ATAD5: variants seen among roughly 807,000 people sequenced by gnomAD.
The protein encoded by ATAD5 is ATPase family AAA domain containing 5, also known as ATPase family AAA domain-containing protein 5.
A neutral mutation model predicts 176.9 loss-of-function variants in ATAD5; 58 were observed. That is an observed-to-expected ratio of 0.33 (90% CI 0.27 to 0.41). The LOEUF (loss-of-function observed/expected upper bound fraction) is 0.41, where lower values mean the gene tolerates loss of function less well. Among genes scored for constraint, ATAD5 ranks in the 10% least tolerant of loss-of-function variants. The pLI, the probability that ATAD5 is intolerant of heterozygous loss-of-function variation, is 1.00. For missense variants in ATAD5, 1,789 were observed against 2,094.1 expected, an observed-to-expected ratio of 0.85 and a Z score of 2.84; for synonymous variants, 640 against 712.6, an observed-to-expected ratio of 0.90 and a Z score of 1.62.
chr17:30,879,323 G>A (rs780044273), intron 17 of ATAD5, 100 bp from the exon 18 acceptor site: 450 of 1,337,494 alleles, frequency 3.4e-4, no homozygotes, highest in Non-Finnish European at 4.1e-4. Context: ...GTGGGGAGGC[G>A]GGTGCTGAAT....
chr17:30,871,071 C>T (rs1236675869), intron 14 of ATAD5, among the ~76,000 whole-genome samples: 2 of 151,390 alleles, frequency 1.3e-5, no homozygotes, highest in Non-Finnish European at 2.9e-5. Flanking sequence ...TCCTGGCACA[C>T]TGATGCTTTG....
intron 19 of ATAD5, 152 bp from the exon 20 acceptor site, chr17:30,892,455 T>C (rs1450554731): frequency 1.9e-5 from 8 of 421,018 alleles, no homozygotes; most frequent in African/African-American, 1.6e-4. Context: ...GAATAATGCT[T>C]ATATTGTACT....
At chr17:30,844,418 A>G (rs1277403982) in intron 5 of ATAD5, among the ~76,000 whole-genome samples, 1 of 152,172 alleles carries the variant, frequency 6.6e-6, no homozygotes, top group Non-Finnish European at 1.5e-5. Flanking sequence ...GGCATGAGCC[A>G]CTGCACCCGG....
At chr17:30,836,545 A>C (rs565971900) in intron 2 of ATAD5, among the ~76,000 whole-genome samples, 3 of 151,278 alleles carry the variant, frequency 2.0e-5, no homozygotes, top group African/African-American at 7.3e-5. Flanking sequence ...TTTTTTTTTT[A>C]ATTTTAATTT....
chr17:30,869,931 G>A (rs1041033689), intron 14 of ATAD5: 8 of 284,710 alleles, frequency 2.8e-5, no homozygotes, highest in Admixed American at 5.3e-5. Context: ...GCAGCATAGC[G>A]AGACCTTGTC....
At chr17:30,889,886 C>CTTTTTTTTTTTTTTTTTT (rs60266614) in intron 19 of ATAD5, among the ~76,000 whole-genome samples, 3 of 95,690 alleles carry the variant, frequency 3.1e-5, no homozygotes, top group African/African-American at 4.3e-5. Flanking sequence ...TCTTTTCTTT[C>CTTTTTTTTTTTTTTTTTT]TTTTTTTTTT....
chr17:30,837,421 T>G, intron 3 of ATAD5, 107 bp downstream of exon 3: 1 of 735,730 alleles, frequency 1.4e-6, no homozygotes, highest in Non-Finnish European at 2.2e-6. Flanking sequence ...ATAAAATTCA[T>G]GTATTTCATA....
intron 7 of ATAD5, among the ~76,000 whole-genome samples, chr17:30,855,642 G>T (rs546818694): frequency 6.6e-6 from 1 of 152,130 alleles, no homozygotes; most frequent in East Asian, 1.9e-4. Flanking sequence ...TTCGAGACCA[G>T]CCTGGGCAAC....
chr17:30,861,646 G>T (rs2142375932), intron 10 of ATAD5, among the ~76,000 whole-genome samples: 1 of 152,044 alleles, frequency 6.6e-6, no homozygotes, highest in African/African-American at 2.4e-5. Context: ...TCAGTAGCTG[G>T]GACTACAGGC....
At chr17:30,833,022 G>A (rs547317394) in intron 1 of ATAD5, among the ~76,000 whole-genome samples, 3 of 152,264 alleles carry the variant, frequency 2.0e-5, no homozygotes, top group African/African-American at 7.2e-5. Flanking sequence ...AGCATCTTAA[G>A]GTAGACTTGT....
intron 12 of ATAD5, 100 bp from the exon 13 acceptor site, chr17:30,869,148 T>A: frequency 7.3e-7 from 1 of 1,375,612 alleles, no homozygotes; most frequent in Non-Finnish European, 1.0e-6. Context: ...TTTTTCAGCA[T>A]CTATTGCAAG....
chr17:30,867,627 T>C (rs1908079572), intron 11 of ATAD5, among the ~76,000 whole-genome samples: 1 of 152,164 alleles, frequency 6.6e-6, no homozygotes, highest in Non-Finnish European at 1.5e-5. Context: ...TTTTTTTTAT[T>C]TTGAAACAGG....
chr17:30,886,105 T>C (rs1031754981), intron 18 of ATAD5, among the ~76,000 whole-genome samples: 8 of 151,810 alleles, frequency 5.3e-5, no homozygotes, highest in Non-Finnish European at 1.5e-5. Context: ...ATGGATTAGA[T>C]TTGTGATTAA....
intron 6 of ATAD5, among the ~76,000 whole-genome samples, chr17:30,850,361 CTT>C (rs757662884): frequency 4.9e-4 from 67 of 136,176 alleles, no homozygotes; most frequent in Admixed American, 7.5e-4. Context: ...TATGAGACTT[CTT>C]TTTTTTTTTT....
At chr17:30,889,078 TAAAA>T (rs973596436) in intron 19 of ATAD5, among the ~76,000 whole-genome samples, 3 of 145,760 alleles carry the variant, frequency 2.1e-5, no homozygotes, top group African/African-American at 7.5e-5. Context: ...AAAAAAAAAT[TAAAA>T]AACACACACA....
At chr17:30,878,735 T>TTTTTTTTTG in intron 17 of ATAD5, among the ~76,000 whole-genome samples, 1 of 129,472 alleles carries the variant, frequency 7.7e-6, no homozygotes, top group African/African-American at 3.0e-5. Flanking sequence ...TTTTTTTTTT[T>TTTTTTTTTG]TTTTTTTTTT....
At chr17:30,884,892 C>T (rs983105830) in intron 18 of ATAD5, among the ~76,000 whole-genome samples, 3 of 151,834 alleles carry the variant, frequency 2.0e-5, no homozygotes, top group Admixed American at 6.6e-5. Flanking sequence ...GGACTACAGG[C>T]GCCCACCACC....
Position 30,840,864 on chromosome 17 carries a change from T to C in ATAD5, c.2241+83T>C, listed in dbSNP as rs1906064439. The C allele has an allele frequency of 1.2e-5, 16 of 1,370,702 alleles. No homozygotes were observed. The South Asian group carries it at 1.9e-4, about 17-fold the overall frequency. The allele number at this position is 1,370,702 out of a possible 1,614,324, so 84.9% of individuals were successfully genotyped here. A position where few individuals can be genotyped will look rare whatever the true frequency, so the allele number is the denominator to read the frequency against. ...GGAGAAGGAAACCATTATAAAGTTA[T>C]AAGGTAGGTTTGTGTGATAGCTTGA... On this transcript the variant is annotated intron_variant, in intron 4 of 22. Transcript: ENST00000321990.
At chr17:30,890,195 T>C (rs1268347082) in intron 19 of ATAD5, among the ~76,000 whole-genome samples, 2 of 151,740 alleles carry the variant, frequency 1.3e-5, no homozygotes, top group Non-Finnish European at 2.9e-5. Context: ...AGCTTCATAT[T>C]ATTCTTTTTC....
Sources: allele counts gnomAD v4.1 joint callset (sites outside exome capture counted in the v4.1 genomes callset), GRCh38; gene constraint gnomAD v4.1.1; transcripts MANE v1.5; gene names NCBI Gene and HGNC (gene_info 2026-07-23, HGNC 2026-07-21).